The following MRPL13 variants were observed in gnomAD, a reference collection of about 807,000 sequenced individuals.
The protein encoded by MRPL13 is mitochondrial ribosomal protein L13.
A neutral mutation model predicts 29.0 loss-of-function variants in MRPL13; 33 were observed. The observed-to-expected ratio is 1.14, with a 90% CI of 0.86 to 1.52. The LOEUF is 1.52. Among genes scored for constraint, MRPL13 ranks in the 40% most tolerant of loss-of-function variants. The probability of loss-of-function intolerance (pLI) is 0.00; values close to 1 mark genes in which losing one functional copy is unlikely to be tolerated. For missense variants in MRPL13, 227 were observed against 216.7 expected, an observed-to-expected ratio of 1.05 and a Z score of -0.30; for synonymous variants, 77 against 68.4, an observed-to-expected ratio of 1.13 and a Z score of -0.62.
intron 3 of MRPL13, among the ~76,000 whole-genome samples, chr8:120,427,412 G>T (rs1000406419): frequency 4.6e-5 from 7 of 151,570 alleles, no homozygotes; most frequent in Admixed American, 6.6e-5. Context: ...ACACTTCCAG[G>T]GATTTATTTT....
intron 6 of MRPL13, among the ~76,000 whole-genome samples, chr8:120,412,748 C>T (rs1812753951): frequency 1.3e-5 from 2 of 152,100 alleles, no homozygotes; most frequent in African/African-American, 4.8e-5. Flanking sequence ...AAATGTTGAA[C>T]CAGACAATGT....
Position 120,409,035 on chromosome 8 carries a change from C to G in MRPL13, c.515+4956G>C, listed in dbSNP as rs374080334. ...TGCATCAGTAATGGTTGTCCTCATA[C>G]TTCCTTGTCTTCATCCTTACCATCC... On this transcript the variant is annotated intron_variant, in intron 6 of 6. Transcript: ENST00000306185. Among the ~76,000 whole-genome samples the G allele has an allele frequency of 3.3e-5, 5 of 152,280 alleles. No individual in the cohort carries two copies. The South Asian group carries it at 1.0e-3, about 32-fold the overall frequency.
chr8:120,416,804 T>C (rs1436653365), intron 5 of MRPL13, among the ~76,000 whole-genome samples: 1 of 152,238 alleles, frequency 6.6e-6, no homozygotes, highest in Non-Finnish European at 1.5e-5. Flanking sequence ...AACTTCAAAC[T>C]AAATATTTCA....
chr8:120,435,452 A>T (rs1813043333), intron 2 of MRPL13, among the ~76,000 whole-genome samples: 1 of 152,110 alleles, frequency 6.6e-6, no homozygotes, highest in Admixed American at 6.6e-5. Flanking sequence ...AAGTGAGAAC[A>T]TGCAGTATTT....
At chr8:120,440,335 G>C (rs965313435) in intron 2 of MRPL13, among the ~76,000 whole-genome samples, 2 of 152,192 alleles carry the variant, frequency 1.3e-5, no homozygotes, top group African/African-American at 4.8e-5. Context: ...CTAAGGGCTG[G>C]GCATGGTGGC....
intron 2 of MRPL13, among the ~76,000 whole-genome samples, chr8:120,441,746 G>A (rs79642788): frequency 0.019 from 2,887 of 152,224 alleles, 94 homozygotes; most frequent in African/African-American, 0.066. Flanking sequence ...CACTGAACAT[G>A]AGACCATCTA....
intron 6 of MRPL13, among the ~76,000 whole-genome samples, chr8:120,405,072 T>A (rs1015244429): frequency 3.9e-5 from 6 of 152,130 alleles, no homozygotes; most frequent in Non-Finnish European, 7.4e-5. Flanking sequence ...AGATGGTTAA[T>A]TTGCTTCCAA....
At chr8:120,443,708 A>C (rs1271653308) in intron 1 of MRPL13, among the ~76,000 whole-genome samples, 1 of 151,842 alleles carries the variant, frequency 6.6e-6, no homozygotes, top group East Asian at 1.9e-4. Flanking sequence ...GAAGGTCTTC[A>C]AAAACATTTA....
chr8:120,430,815 T>C (rs1230444565), intron 3 of MRPL13, among the ~76,000 whole-genome samples: 2 of 152,204 alleles, frequency 1.3e-5, no homozygotes, highest in Non-Finnish European at 2.9e-5. Flanking sequence ...ATGGTAGCTG[T>C]TCACTACTGG....
intron 2 of MRPL13, among the ~76,000 whole-genome samples, chr8:120,432,425 T>C (rs541549278): frequency 1.3e-5 from 2 of 152,162 alleles, no homozygotes; most frequent in African/African-American, 4.8e-5. Flanking sequence ...TTCTTGTGAC[T>C]TTTCCCATTA....
At chr8:120,439,866 C>G (rs1281225186) in intron 2 of MRPL13, among the ~76,000 whole-genome samples, 1 of 152,200 alleles carries the variant, frequency 6.6e-6, no homozygotes, top group Non-Finnish European at 1.5e-5. Flanking sequence ...TTGGAATACT[C>G]TTCCTCTTAG....
At chr8:120,433,309 C>G (rs959689010) in intron 2 of MRPL13, among the ~76,000 whole-genome samples, 6 of 152,044 alleles carry the variant, frequency 3.9e-5, no homozygotes, top group African/African-American at 1.4e-4. Flanking sequence ...TCAAAAAACA[C>G]TGAAATTACT....
intron 6 of MRPL13, among the ~76,000 whole-genome samples, chr8:120,410,344 T>C (rs1439627744): frequency 6.6e-6 from 1 of 152,176 alleles, no homozygotes; most frequent in East Asian, 1.9e-4. Flanking sequence ...ATTCTTGGCT[T>C]AGCTATGTTG....
Position 120,398,565 on chromosome 8 carries a change from G to A in MRPL13, c.516-2440C>T, listed in dbSNP as rs1304364090. On this transcript the variant is annotated intron_variant, in intron 6 of 6. Coordinates refer to ENST00000306185, the MANE Select transcript of MRPL13 (RefSeq NM_014078.6). ...TGAGAAAGAATCAATGCAAAAACCT[G>A]GAAAACTCTAAAAGCCAGAGTGCTG... is the stretch of plus-strand genomic sequence containing the variant. Among the ~76,000 whole-genome samples the A allele has an allele frequency of 2.0e-5, 3 of 152,232 alleles. No individual in the cohort carries two copies. The South Asian group carries it at 6.2e-4, about 32-fold the overall frequency.
rs551608186 is a variant in MRPL13, at chr8:120,444,897, G to A, written c.27+171C>T. ...AAGAGGGGACGAGTAACAGACGAAC[G>A]ACATTAAGTGCTTGCCAGACTGACG... On this transcript the variant is annotated intron_variant, in intron 1 of 6. Transcript: ENST00000306185. 9 of 649,780 alleles carry A rather than the reference G, an allele frequency of 1.4e-5. No individual in the cohort carries two copies. The Admixed American group carries it at 1.8e-4, about 13-fold the overall frequency. The allele number at this position is 649,780 out of a possible 1,614,324, so 40.3% of individuals were successfully genotyped here. A position where few individuals can be genotyped will look rare whatever the true frequency, so the allele number is the denominator to read the frequency against.
intron 6 of MRPL13, among the ~76,000 whole-genome samples, chr8:120,403,406 A>C (rs1812625883): frequency 6.6e-6 from 1 of 152,128 alleles, no homozygotes; most frequent in Admixed American, 6.5e-5. Flanking sequence ...CCCAAACACC[A>C]CATGTTCTCA....
chr8:120,395,981 G>C lies in MRPL13; in HGVS notation c.*123C>G. On this transcript the variant is annotated 3_prime_UTR_variant, in exon 7 of 7. Coordinates refer to ENST00000306185, the MANE Select transcript of MRPL13 (RefSeq NM_014078.6). ...TACCTTCCTGACCTTTCCCCACAGT[G>C]ATTCGGCACATAAAACAGGTGCTGA... 1 of 739,540 alleles carries C rather than the reference G, an allele frequency of 1.4e-6. No individual in the cohort carries two copies. The highest frequency in any genetic ancestry group is 2.2e-6 in the Non-Finnish European group (1 of 448,780). The allele number at this position is 739,540 out of a possible 1,614,324, so 45.8% of individuals were successfully genotyped here. A position where few individuals can be genotyped will look rare whatever the true frequency, so the allele number is the denominator to read the frequency against.
chr8:120,410,795 T>C (rs568529380), intron 6 of MRPL13, among the ~76,000 whole-genome samples: 3 of 152,072 alleles, frequency 2.0e-5, no homozygotes, highest in African/African-American at 7.2e-5. Context: ...TCTCTTTTTT[T>C]TTTGAGATGG....
chr8:120,405,931 C>A (rs1257184198), intron 6 of MRPL13, among the ~76,000 whole-genome samples: 1 of 152,104 alleles, frequency 6.6e-6, no homozygotes, highest in African/African-American at 2.4e-5. Flanking sequence ...TTAAATGAAA[C>A]GGCTTAATCT....
Sources: gnomAD v4.1 joint callset for allele counts (sites outside exome capture counted in the v4.1 genomes callset) on GRCh38, gnomAD v4.1.1 for gene constraint, MANE v1.5 for transcripts, NCBI Gene and HGNC (gene_info 2026-07-23, HGNC 2026-07-21) for gene names.